ADAM22: variants seen among roughly 807,000 people sequenced by gnomAD.
The protein encoded by ADAM22 is ADAM metallopeptidase domain 22, also known as disintegrin and metalloproteinase domain-containing protein 22.
In ADAM22, 65 loss-of-function variants were observed where a neutral mutation model predicts 144.6. The observed-to-expected ratio is 0.45, with a 90% CI of 0.37 to 0.55. The LOEUF (loss-of-function observed/expected upper bound fraction) is 0.55. Among genes scored for constraint, ADAM22 ranks in the 20% least tolerant of loss-of-function variants. ADAM22 has a pLI of 0.00. For synonymous variants in ADAM22, 391 were observed against 412.6 expected, an observed-to-expected ratio of 0.95 and a Z score of 0.63; for missense variants, 974 against 1,184.9, an observed-to-expected ratio of 0.82 and a Z score of 2.61.
At position 87,934,329 on chromosome 7, in the gene ADAM22, A is replaced by G. The variant is rs1562783567; in HGVS notation, c.-137A>G. On this transcript the variant is annotated 5_prime_UTR_variant, in exon 1 of 32. Coordinates refer to ENST00000413139, the MANE Select transcript of ADAM22 (RefSeq NM_001324418.2). ...GAGCCGCGGTGGAGGTTGCAGCGCC[A>G]CGGCCGCCGCAGCACCGGCCGGGGC... 1 of 717,334 alleles carries G rather than the reference A, an allele frequency of 1.4e-6. No individual in the cohort carries two copies. The highest frequency in any genetic ancestry group is 3.1e-5 in the East Asian group (1 of 32,136). 44.4% of individuals were successfully genotyped at this position (717,334 alleles called of 1,614,324 possible). A position where few individuals can be genotyped will look rare whatever the true frequency, so the allele number is the denominator to read the frequency against.
At chr7:88,075,744 C>T (rs1814241497) in intron 4 of ADAM22, 52 bp downstream of exon 4, 6 of 1,208,840 alleles carry the variant, frequency 5.0e-6, no homozygotes, top group Non-Finnish European at 7.3e-6. Context: ...TCTTTTAATA[C>T]TACTGATTAT....
At chr7:88,151,222 T>C in intron 19 of ADAM22, 35 bp from the exon 20 acceptor site, 1 of 1,612,282 alleles carries the variant, frequency 6.2e-7, no homozygotes. Flanking sequence ...AAGCAGATAT[T>C]GCATCGCTAA....
intron 2 of ADAM22, among the ~76,000 whole-genome samples, chr7:87,977,636 C>A (rs1041824591): frequency 3.9e-5 from 6 of 152,092 alleles, no homozygotes; most frequent in African/African-American, 1.2e-4. Flanking sequence ...CATGATTATT[C>A]AGTATGCAAA....
chr7:87,953,959 T>G (rs1331018708), intron 2 of ADAM22, among the ~76,000 whole-genome samples: 1 of 152,194 alleles, frequency 6.6e-6, no homozygotes, highest in African/African-American at 2.4e-5. Flanking sequence ...AGACTAGGAT[T>G]GCAACCCCTG....
chr7:88,064,618 T>C (rs978207108), intron 3 of ADAM22, among the ~76,000 whole-genome samples: 3 of 152,168 alleles, frequency 2.0e-5, no homozygotes, highest in Non-Finnish European at 2.9e-5. Flanking sequence ...GGTGCCTTTG[T>C]GCTGTGTCCT....
rs1169759079 is a variant in ADAM22, at chr7:88,097,151, C to CTTTTTT, written c.391-11012_391-11007dup. Among the ~76,000 whole-genome samples, 812 of 129,086 alleles carry CTTTTTT rather than the reference C, an allele frequency of 6.3e-3. 9 individuals carry two copies. Among genetic ancestry groups the CTTTTTT allele is most frequent in the African/African-American group, 0.021 (730 of 34,744 alleles). 84.7% of individuals were successfully genotyped at this position (129,086 alleles called of 152,430 possible). On this transcript the variant is annotated intron_variant, in intron 4 of 31. Coordinates refer to ENST00000413139, the MANE Select transcript of ADAM22 (RefSeq NM_001324418.2). ...TGCAACCAGAATCTTTTTTTCTTTT[C>CTTTTTT]TTTTTTTTTTTTTTTTTTGAGACAG... is the stretch of plus-strand genomic sequence containing the variant.
intron 4 of ADAM22, among the ~76,000 whole-genome samples, chr7:88,090,889 T>G (rs1476434497): frequency 6.6e-6 from 1 of 152,170 alleles, no homozygotes; most frequent in African/African-American, 2.4e-5. Flanking sequence ...CTGTTGCCCA[T>G]TTTTAAGTAC....
chr7:88,178,302 TTATCTTCCTTCAC>T (rs763447444), intron 26 of ADAM22, among the ~76,000 whole-genome samples: 10 of 152,172 alleles, frequency 6.6e-5, no homozygotes, highest in Admixed American at 1.3e-4. Context: ...TCTTGTTAAA[TTATCTTCCTTCAC>T]ATGTTCCACT....
At chr7:87,943,075 G>C (rs1842784447) in intron 2 of ADAM22, among the ~76,000 whole-genome samples, 1 of 150,152 alleles carries the variant, frequency 6.7e-6, no homozygotes, top group South Asian at 2.1e-4. Flanking sequence ...AACATTGGGG[G>C]AAATAGTTGA....
intron 17 of ADAM22, among the ~76,000 whole-genome samples, chr7:88,145,868 G>A (rs1836243399): frequency 6.6e-6 from 1 of 152,094 alleles, no homozygotes. Flanking sequence ...TTTAAATGAT[G>A]TTTACCTTTC....
intron 2 of ADAM22, among the ~76,000 whole-genome samples, chr7:87,970,752 A>G (rs2129447121): frequency 6.6e-6 from 1 of 152,334 alleles, no homozygotes; most frequent in Middle Eastern, 3.4e-3. Flanking sequence ...TCCGCATTTT[A>G]ATTTCAGCTA....
intron 2 of ADAM22, among the ~76,000 whole-genome samples, chr7:87,937,294 G>A (rs1214196588): frequency 6.6e-6 from 1 of 152,024 alleles, no homozygotes; most frequent in African/African-American, 2.4e-5. Context: ...TTTAATGTGT[G>A]GTTCTTTCCC....
intron 2 of ADAM22, among the ~76,000 whole-genome samples, chr7:87,969,675 G>A (rs1422533198): frequency 6.6e-6 from 1 of 152,140 alleles, no homozygotes; most frequent in Non-Finnish European, 1.5e-5. Context: ...TTATTCCACT[G>A]GTAAATGGAA....
Position 87,945,538 on chromosome 7 carries a change from G to C in ADAM22, c.246+10352G>C, listed in dbSNP as rs542621023. ...TTTCTTTTTTTTTTTTTTTGAGATG[G>C]AGTCTCACTCTGTCGCCAGGCTGGA... On this transcript the variant is annotated intron_variant, in intron 2 of 31. Transcript: ENST00000413139. Among the ~76,000 whole-genome samples the C allele has an allele frequency of 5.4e-5, 8 of 148,894 alleles. No homozygotes were observed. The East Asian group carries it at 1.2e-3, about 22-fold the overall frequency.
At chr7:88,017,487 C>G (rs971275844) in intron 3 of ADAM22, among the ~76,000 whole-genome samples, 1 of 152,156 alleles carries the variant, frequency 6.6e-6, no homozygotes, top group South Asian at 2.1e-4. Context: ...AATACTTACT[C>G]TCTCTGAATA....
At chr7:88,102,193 G>A (rs1454132030) in intron 4 of ADAM22, among the ~76,000 whole-genome samples, 1 of 152,202 alleles carries the variant, frequency 6.6e-6, no homozygotes. Flanking sequence ...CATGGGGACA[G>A]TTTGGTATTG....
chr7:88,091,764 A>G (rs1446131762), intron 4 of ADAM22, among the ~76,000 whole-genome samples: 1 of 152,212 alleles, frequency 6.6e-6, no homozygotes, highest in African/African-American at 2.4e-5. Flanking sequence ...TGATCATAAT[A>G]GCAGAGGAAT....
rs769444426 is a variant in ADAM22 at position 88,165,895 on chromosome 7, T to G, written c.2140T>G (p.Tyr714Asp). Residue 714 changes from tyrosine to aspartate, a missense_variant, in exon 24 of 32, where the codon TAC becomes GAC. Tyr to Asp is a radical substitution (Grantham distance 160). Coordinates refer to ENST00000413139, the MANE Select transcript of ADAM22 (RefSeq NM_001324418.2). ...CTGGATAGGTTCTGATTGCAACACTTACTTCCCTCACAATGATGATGCAAA... is the reference window on the plus strand; with the variant it reads ...CTGGATAGGTTCTGATTGCAACACTGACTTCCCTCACAATGATGATGCAAA... ...RHWIGSDCNTYFPHNDDAKTG... is the reference protein window; with the variant it reads ...RHWIGSDCNTDFPHNDDAKTG... The G allele has an allele frequency of 6.2e-7, 1 of 1,612,096 alleles. No homozygotes were observed. Among genetic ancestry groups the G allele is most frequent in the Non-Finnish European group, 8.5e-7 (1 of 1,178,956 alleles).
intron 4 of ADAM22, among the ~76,000 whole-genome samples, chr7:88,086,816 G>C (rs535961358): frequency 6.6e-6 from 1 of 152,264 alleles, no homozygotes; most frequent in South Asian, 2.1e-4. Context: ...TTTATAGCTT[G>C]TTTTGTCTTG....
Sources: gnomAD v4.1 joint callset for allele counts (sites outside exome capture counted in the v4.1 genomes callset) on GRCh38, gnomAD v4.1.1 for gene constraint, MANE v1.5 for transcripts, NCBI Gene and HGNC (gene_info 2026-07-23, HGNC 2026-07-21) for gene names.